CCDC191: variants seen among roughly 807,000 people sequenced by gnomAD.
The protein encoded by CCDC191 is coiled-coil domain-containing protein 191.
A neutral mutation model predicts 114.0 loss-of-function variants in CCDC191; 99 were observed. The ratio of observed to expected loss-of-function variants is 0.87; its 90% CI spans 0.74 to 1.03. The LOEUF (loss-of-function observed/expected upper bound fraction) is 1.03. CCDC191 is among the 50% of genes least tolerant of loss of function. The pLI is 0.00. For synonymous variants in CCDC191, 351 were observed against 376.0 expected (o/e 0.93, Z 0.77); for missense variants, 973 against 1,087.0 (o/e 0.90, Z 1.47).
intron 2 of CCDC191, among the ~76,000 whole-genome samples, chr3:114,050,945 T>G (rs915823449): frequency 1.2e-4 from 18 of 151,972 alleles, no homozygotes; most frequent in Admixed American, 3.3e-4. Context: ...TTTGGGTGAG[T>G]TGCTGCAGGA....
At chr3:114,004,404 TTG>T (rs554649683) in intron 11 of CCDC191, 56 of 1,083,696 alleles carry the variant, frequency 5.2e-5, no homozygotes, top group East Asian at 1.2e-4. Flanking sequence ...CTATGTTTTT[TTG>T]TGTGTGTGTT....
intron 9 of CCDC191, among the ~76,000 whole-genome samples, chr3:114,006,838 G>T (rs324552): frequency 0.5 from 75,177 of 151,108 alleles, 18,839 homozygotes; most frequent in Middle Eastern, 0.6. Flanking sequence ...AGGATATTTA[G>T]TTATTTCAGC....
At chr3:114,031,555 TC>T in intron 7 of CCDC191, 70 bp downstream of exon 7, 2 of 1,269,788 alleles carry the variant, frequency 1.6e-6, no homozygotes, top group Admixed American at 1.8e-5. Context: ...TTTTATTTTA[TC>T]CCATCTCTGA....
intron 8 of CCDC191, among the ~76,000 whole-genome samples, chr3:114,016,260 C>A (rs1158012452): frequency 6.6e-6 from 1 of 152,208 alleles, no homozygotes; most frequent in Non-Finnish European, 1.5e-5. Flanking sequence ...AATGCTCTCT[C>A]CTATCCCTGA....
Position 114,002,836 on chromosome 3 carries a change from T to C in CCDC191, c.1979-298A>G, listed in dbSNP as rs371291395. On this transcript the variant is annotated intron_variant, in intron 11 of 16. Coordinates refer to ENST00000295878, the MANE Select transcript of CCDC191 (RefSeq NM_020817.2). ...TTATAATGTGCCTTGATGATACTTT[T>C]AGTATATGAAACCCAGAAACCAGAA... The C allele has an allele frequency of 1.6e-5, 15 of 962,928 alleles. No homozygotes were observed. In the East Asian group the frequency reaches 1.4e-3, roughly 89 times the overall value. The allele number at this position is 962,928 out of a possible 1,614,324, so 59.6% of individuals were successfully genotyped here.
chr3:113,999,784 T>C (rs2075816975), intron 13 of CCDC191, among the ~76,000 whole-genome samples: 1 of 152,246 alleles, frequency 6.6e-6, no homozygotes, highest in South Asian at 2.1e-4. Context: ...TTTCCTCTTA[T>C]TCTTTTATAC....
At chr3:114,010,293 ATGT>A (rs1303632537) in intron 9 of CCDC191, among the ~76,000 whole-genome samples, 1 of 152,178 alleles carries the variant, frequency 6.6e-6, no homozygotes, top group Non-Finnish European at 1.5e-5. Context: ...ATACTTTAAC[ATGT>A]TATTAGTGAT....
At chr3:113,991,675 A>G (rs1445903985) in intron 13 of CCDC191, among the ~76,000 whole-genome samples, 4 of 152,222 alleles carry the variant, frequency 2.6e-5, no homozygotes, top group African/African-American at 9.6e-5. Flanking sequence ...TAATGTGATA[A>G]GGCAAGATAA....
intron 10 of CCDC191, 67 bp downstream of exon 10, chr3:114,005,441 A>G (rs568371925): frequency 7.0e-6 from 10 of 1,438,698 alleles, no homozygotes; most frequent in Middle Eastern, 1.9e-4. Context: ...AGGGCAAAGA[A>G]GCTCAGGAGC....
intron 7 of CCDC191, among the ~76,000 whole-genome samples, chr3:114,024,708 G>C (rs1430337759): frequency 1.3e-5 from 2 of 152,144 alleles, no homozygotes; most frequent in East Asian, 1.9e-4. Context: ...TGTGGGGTAG[G>C]GGGAGGGAGG....
chr3:114,004,787 A>T (rs781374764), intron 10 of CCDC191, 41 bp from the exon 11 acceptor site: 2 of 1,584,452 alleles, frequency 1.3e-6, no homozygotes. Flanking sequence ...ACTACTAACC[A>T]GTTTCCTTCA....
chr3:113,967,452 A>T (rs751479214), intron 16 of CCDC191, among the ~76,000 whole-genome samples: 3 of 150,798 alleles, frequency 2.0e-5, no homozygotes, highest in Non-Finnish European at 4.5e-5. Context: ...AAACATATTC[A>T]TGATCACTGG....
Position 114,034,813 on chromosome 3 carries a change from TTTCTC to T in CCDC191, c.818+107_818+111del, listed in dbSNP as rs2088941042. Reference sequence around the variant, plus strand: ...GTTAAGATGGTGGAATAGTGAGTGATTTCTCTTCTATGTTTTGTTATTGAATGTTT... The same window carrying T: ...GTTAAGATGGTGGAATAGTGAGTGATTTCTATGTTTTGTTATTGAATGTTT... On this transcript the variant is annotated intron_variant, in intron 6 of 16. Transcript: ENST00000295878. 13 of 861,596 alleles carry T rather than the reference TTTCTC, an allele frequency of 1.5e-5. 1 individual carries two copies. In the South Asian group the frequency reaches 2.0e-4, roughly 13 times the overall value. 53.4% of individuals were successfully genotyped at this position (861,596 alleles called of 1,614,324 possible).
chr3:113,973,181 T>G (rs184577951), intron 16 of CCDC191, among the ~76,000 whole-genome samples: 1 of 152,332 alleles, frequency 6.6e-6, no homozygotes, highest in African/African-American at 2.4e-5. Context: ...GTAGTATGTT[T>G]TAATTTCTTG....
chr3:113,996,969 C>T (rs1408882707), intron 13 of CCDC191, among the ~76,000 whole-genome samples: 1 of 152,164 alleles, frequency 6.6e-6, no homozygotes, highest in African/African-American at 2.4e-5. Context: ...AGCAAACCAC[C>T]ATGGCACATG....
chr3:113,976,244 G>A (rs190885269), intron 16 of CCDC191, among the ~76,000 whole-genome samples: 2 of 151,762 alleles, frequency 1.3e-5, no homozygotes, highest in East Asian at 3.9e-4. Flanking sequence ...GGGTGACAGA[G>A]TAAGACTTTG....
chr3:113,992,479 A>G (rs1288678143), intron 13 of CCDC191, among the ~76,000 whole-genome samples: 1 of 152,152 alleles, frequency 6.6e-6, no homozygotes, highest in Non-Finnish European at 1.5e-5. Context: ...TAACCAATAA[A>G]CAAATAAGGA....
At chr3:114,016,638 C>T (rs1370698308) in intron 8 of CCDC191, among the ~76,000 whole-genome samples, 1 of 152,148 alleles carries the variant, frequency 6.6e-6, no homozygotes, top group East Asian at 1.9e-4. Context: ...AAATAATTCA[C>T]AGATACAAGA....
rs202067859 is a variant in CCDC191, at chr3:113,976,262, G to GT, written c.2606+1923dup. Among the ~76,000 whole-genome samples, 101 of 150,260 alleles carry GT rather than the reference G, an allele frequency of 6.7e-4. 1 individual carries two copies. The East Asian group carries it at 0.019, about 28-fold the overall frequency. On this transcript the variant is annotated intron_variant, in intron 16 of 16. Coordinates refer to ENST00000295878, the MANE Select transcript of CCDC191 (RefSeq NM_020817.2). ...TGACAGAGTAAGACTTTGTCTCAGG[G>GT]TAAAAAAAAAAACAAAACAAAACAC...
Sources: allele counts gnomAD v4.1 joint callset (sites outside exome capture counted in the v4.1 genomes callset), GRCh38; gene constraint gnomAD v4.1.1; transcripts MANE v1.5; gene names NCBI Gene and HGNC (gene_info 2026-07-23, HGNC 2026-07-21).